RPRD2: variants seen among roughly 807,000 people sequenced by gnomAD.
RPRD2 encodes the protein regulation of nuclear pre-mRNA domain containing 2, also known as regulation of nuclear pre-mRNA domain-containing protein 2.
Under a neutral mutation model 104.4 loss-of-function variants are expected in RPRD2, and 12 were observed. The ratio of observed to expected loss-of-function variants is 0.11; its 90% confidence interval spans 0.07 to 0.19. RPRD2 has a LOEUF of 0.19. RPRD2 is among the 10% of genes least tolerant of loss of function. The pLI, the probability that RPRD2 is intolerant of heterozygous loss-of-function variation, is 1.00. For synonymous variants in RPRD2, 714 were observed against 684.9 expected, an observed-to-expected ratio of 1.04 and a Z score of -0.66; for missense variants, 1,543 against 1,790.1, an observed-to-expected ratio of 0.86 and a Z score of 2.49.
intron 7 of RPRD2, among the ~76,000 whole-genome samples, chr1:150,448,608 C>T (rs587650420): frequency 1.3e-5 from 2 of 152,304 alleles, no homozygotes; most frequent in East Asian, 1.9e-4. Flanking sequence ...AAACATTGTT[C>T]ATTGCAAGGT....
chr1:150,432,187 AAAAAAG>A (rs1439965708), intron 2 of RPRD2, among the ~76,000 whole-genome samples: 1 of 151,890 alleles, frequency 6.6e-6, no homozygotes, highest in African/African-American at 2.4e-5. Context: ...AAAAAAAAAA[AAAAAAG>A]AAAGAAAAGT....
At chr1:150,452,293 A>G (rs1225784234) in intron 7 of RPRD2, among the ~76,000 whole-genome samples, 1 of 152,186 alleles carries the variant, frequency 6.6e-6, no homozygotes, top group Admixed American at 6.5e-5. Context: ...AAACCAGGAA[A>G]TGGCAAGGAA....
chr1:150,440,379 A>ATTT (rs1666337067), intron 2 of RPRD2, among the ~76,000 whole-genome samples: 4 of 152,192 alleles, frequency 2.6e-5, no homozygotes, highest in African/African-American at 7.2e-5. Flanking sequence ...ACATTGTTTA[A>ATTT]AGTTAGGTAG....
intron 1 of RPRD2, among the ~76,000 whole-genome samples, chr1:150,414,815 T>G (rs1363660501): frequency 6.6e-6 from 1 of 152,160 alleles, no homozygotes; most frequent in Non-Finnish European, 1.5e-5. Context: ...AAAGAGTGGC[T>G]CCTATAATTA....
intron 1 of RPRD2, among the ~76,000 whole-genome samples, chr1:150,403,289 A>T (rs1663202441): frequency 6.6e-6 from 1 of 152,172 alleles, no homozygotes; most frequent in African/African-American, 2.4e-5. Context: ...AAAATTGACC[A>T]TTTTAACCAA....
In RPRD2 at chr1:150,471,655, T is replaced by G. The variant is rs1570807592; in HGVS notation, c.2707T>G (p.Cys903Gly). 3 of 1,613,806 alleles carry G rather than the reference T, an allele frequency of 1.9e-6. No homozygotes were observed. Among genetic ancestry groups the G allele is most frequent in the African/African-American group, 1.3e-5 (1 of 74,892 alleles). Residue 903 changes from cysteine (C) to glycine (G), a missense_variant, in exon 11 of 11, where the codon TGT (cysteine) becomes GGT (glycine). Physicochemically the swap from Cys to Gly is radical, Grantham distance 159 (BLOSUM62 -3). Transcript: ENST00000369068. This position sits in a 1 kb window ranked among gnomAD's most constrained non-coding sequence, Gnocchi z 5.3. ...VRALLDSSEN[C>G]DRLSSSPGLF... ...GGCCCTCCTGGACTCTAGTGAGAACTGTGACCGTCTCTCATCTTCCCCTGG... is the reference window on the plus strand; with the variant it reads ...GGCCCTCCTGGACTCTAGTGAGAACGGTGACCGTCTCTCATCTTCCCCTGG...
At chr1:150,460,430 G>A (rs1667852289) in intron 9 of RPRD2, 113 bp downstream of exon 9, 2 of 1,108,182 alleles carry the variant, frequency 1.8e-6, no homozygotes, top group South Asian at 3.1e-5. Context: ...TTTAGACAGA[G>A]TTTCGCTCTG....
chr1:150,441,538 TCTG>T (rs60231500), intron 3 of RPRD2: 23,904 of 226,478 alleles, frequency 0.11, 1,811 homozygotes, highest in African/African-American at 0.23. Context: ...TTTGTGATAA[TCTG>T]CTACCATGAC....
At chr1:150,419,207 A>T (rs782437481) in intron 2 of RPRD2, among the ~76,000 whole-genome samples, 1 of 152,144 alleles carries the variant, frequency 6.6e-6, no homozygotes, top group Non-Finnish European at 1.5e-5. Flanking sequence ...ATTGTTTTCT[A>T]TAAGAGGCAC....
chr1:150,403,582 C>T (rs1367920710), intron 1 of RPRD2, among the ~76,000 whole-genome samples: 1 of 152,134 alleles, frequency 6.6e-6, no homozygotes, highest in Non-Finnish European at 1.5e-5. Context: ...CATATTATGG[C>T]GTACGTCAGA....
chr1:150,388,365 CAT>C (rs1661769248), intron 1 of RPRD2, among the ~76,000 whole-genome samples: 1 of 79,658 alleles, frequency 1.3e-5, no homozygotes, highest in African/African-American at 4.6e-5. Context: ...TACATATATA[CAT>C]GTATACACAT....
intron 8 of RPRD2, 107 bp downstream of exon 8, chr1:150,457,677 A>G (rs1667630764): frequency 6.4e-6 from 6 of 936,540 alleles, no homozygotes. Flanking sequence ...TTCTTAAAAG[A>G]TAGAACACCA....
chr1:150,456,486 C>T (rs1217039920), intron 7 of RPRD2, among the ~76,000 whole-genome samples: 2 of 151,870 alleles, frequency 1.3e-5, no homozygotes, highest in Non-Finnish European at 2.9e-5. Flanking sequence ...CAAAATGGGT[C>T]GCCAGGGATG....
chr1:150,388,351 CAT>C (rs1397395932), intron 1 of RPRD2, among the ~76,000 whole-genome samples: 29 of 104,198 alleles, frequency 2.8e-4, no homozygotes, highest in East Asian at 6.7e-4. Context: ...TATACACACA[CAT>C]ATACATATAT....
At chr1:150,379,590 C>T (rs373996345) in intron 1 of RPRD2, among the ~76,000 whole-genome samples, 2 of 151,960 alleles carry the variant, frequency 1.3e-5, no homozygotes, top group African/African-American at 4.8e-5. Flanking sequence ...TTAGTAGAGA[C>T]GGGGTTTCTC....
chr1:150,379,850 A>G (rs1228985753), intron 1 of RPRD2, among the ~76,000 whole-genome samples: 3 of 152,218 alleles, frequency 2.0e-5, no homozygotes, highest in Non-Finnish European at 4.4e-5. Flanking sequence ...TTAATTTCAT[A>G]TAGTAAATAG....
At chr1:150,375,493 G>C (rs1660622721) in intron 1 of RPRD2, among the ~76,000 whole-genome samples, 1 of 152,196 alleles carries the variant, frequency 6.6e-6, no homozygotes, top group African/African-American at 2.4e-5. Flanking sequence ...TTTGTCTGTA[G>C]AGGAGGGACG....
At chr1:150,408,405 C>T (rs587748503) in intron 1 of RPRD2, among the ~76,000 whole-genome samples, 4 of 152,122 alleles carry the variant, frequency 2.6e-5, no homozygotes, top group Non-Finnish European at 5.9e-5. Flanking sequence ...CTATCCGCCT[C>T]GGCCTCCCAA....
intron 10 of RPRD2, among the ~76,000 whole-genome samples, chr1:150,465,813 C>G (rs1290280652): frequency 6.6e-6 from 1 of 151,998 alleles, no homozygotes; most frequent in Non-Finnish European, 1.5e-5. Context: ...AATCCCGGCA[C>G]TTTGGGAGGC....
Sources: gnomAD v4.1 joint callset for allele counts (sites outside exome capture counted in the v4.1 genomes callset) on GRCh38, gnomAD v4.1.1 for gene constraint, Gnocchi (gnomAD v3.1) non-coding constraint, MANE v1.5 for transcripts, NCBI Gene and HGNC (gene_info 2026-07-23, HGNC 2026-07-21) for gene names.